CDH18: variants seen among roughly 807,000 people sequenced by gnomAD.
The protein encoded by CDH18 is cadherin 18.
CDH18 carries 31 observed loss-of-function variants against 67.9 expected under a neutral mutation model. The ratio of observed to expected loss-of-function variants is 0.46; its 90% CI spans 0.34 to 0.62. CDH18 has a LOEUF of 0.62. Among genes scored for constraint, CDH18 ranks in the 20% least tolerant of loss-of-function variants. The pLI, the probability that CDH18 is intolerant of heterozygous loss-of-function variation, is 0.01. For missense variants in CDH18, 890 were observed against 975.5 expected, an observed-to-expected ratio of 0.91 and a Z score of 1.17; for synonymous variants, 362 against 347.2, an observed-to-expected ratio of 1.04 and a Z score of -0.48.
intron 2 of CDH18, among the ~76,000 whole-genome samples, chr5:20,235,698 A>G (rs1005412717): frequency 2.0e-5 from 3 of 152,192 alleles, no homozygotes; most frequent in African/African-American, 7.2e-5. Flanking sequence ...TAATTCAGTC[A>G]GTGTGGAGAG....
intron 5 of CDH18, among the ~76,000 whole-genome samples, chr5:19,674,631 A>C (rs1759217222): frequency 6.6e-6 from 1 of 152,184 alleles, no homozygotes; most frequent in Admixed American, 6.6e-5. Flanking sequence ...AAGATGTGTC[A>C]ACTATTAATA....
chr5:20,326,911 G>A (rs1202592081), intron 1 of CDH18, among the ~76,000 whole-genome samples: 2 of 152,196 alleles, frequency 1.3e-5, no homozygotes, highest in Admixed American at 1.3e-4. Flanking sequence ...ATAATTGCAC[G>A]ATCTAGTTAA....
chr5:19,819,436 A>C (rs1483227464), intron 3 of CDH18, among the ~76,000 whole-genome samples: 2 of 152,160 alleles, frequency 1.3e-5, no homozygotes, highest in African/African-American at 4.8e-5. Context: ...GAAAACACTC[A>C]AAGTCAATGG....
At chr5:19,901,145 G>C (rs11958767) in intron 2 of CDH18, among the ~76,000 whole-genome samples, 123,230 of 151,976 alleles carry the variant, frequency 0.81, 51,445 homozygotes, top group Non-Finnish European at 0.91. Context: ...AGTGGAGACA[G>C]TTTTGGGAAT....
chr5:20,386,788 TAC>T lies in CDH18; in HGVS notation c.-579-131285_-579-131284del, dbSNP rs559979959. On this transcript the variant is annotated intron_variant, in intron 1 of 14. Coordinates refer to the CDH18 transcript ENST00000507958. ...TGATATTTTGTACATTGCTGAAAGC[TAC>T]AGTTATCCCAATAATTATTTTACCT... Among the ~76,000 whole-genome samples the T allele has an allele frequency of 4.4e-3, 677 of 152,290 alleles. 5 individuals are homozygous for T. The highest frequency in any genetic ancestry group is 5.5e-3 in the Non-Finnish European group (375 of 68,020).
chr5:20,446,453 G>T (rs562462126), intron 1 of CDH18, among the ~76,000 whole-genome samples: 14 of 152,118 alleles, frequency 9.2e-5, no homozygotes, highest in Non-Finnish European at 1.5e-4. Context: ...GCAGGAAAAG[G>T]CCTCAGAGGA....
intron 2 of CDH18, 94 bp from the exon 3 acceptor site, chr5:19,839,336 G>A (rs947682493): frequency 4.2e-6 from 1 of 238,952 alleles, no homozygotes; most frequent in Non-Finnish European, 8.4e-6. Flanking sequence ...ATGTGATACT[G>A]ATAGGCAAAG....
rs562792701 is a variant in CDH18, at chr5:20,502,962, CT to C, written c.-580+72499del. Among the ~76,000 whole-genome samples, 214 of 151,726 alleles carry C rather than the reference CT, an allele frequency of 1.4e-3. No individual in the cohort carries two copies. The South Asian group carries it at 0.016, about 11-fold the overall frequency. Reference sequence around the variant, plus strand: ...CAATTAAACTTAATATGAATAAATTCTGCTTTTATGAGAAAAAGGTCAATGC... The same window carrying C: ...CAATTAAACTTAATATGAATAAATTCGCTTTTATGAGAAAAAGGTCAATGC... On this transcript the variant is annotated intron_variant, in intron 1 of 14. Coordinates refer to the CDH18 transcript ENST00000507958.
intron 2 of CDH18, among the ~76,000 whole-genome samples, chr5:20,227,218 A>T (rs576893940): frequency 3.3e-5 from 5 of 152,084 alleles, no homozygotes; most frequent in Admixed American, 6.6e-5. Flanking sequence ...TTCTATTATA[A>T]TTGATAAAAA....
intron 1 of CDH18, among the ~76,000 whole-genome samples, chr5:20,527,583 A>C (rs929352682): frequency 6.6e-6 from 1 of 152,166 alleles, no homozygotes; most frequent in Non-Finnish European, 1.5e-5. Context: ...CTGAAAAGCC[A>C]GAAGAGATTG....
chr5:20,260,182 T>A (rs1744541293), intron 1 of CDH18, among the ~76,000 whole-genome samples: 1 of 151,424 alleles, frequency 6.6e-6, no homozygotes, highest in Non-Finnish European at 1.5e-5. Context: ...GTACTAGTTA[T>A]TGCTGTCCCC....
At chr5:20,297,639 C>T (rs1327211864) in intron 1 of CDH18, among the ~76,000 whole-genome samples, 1 of 152,092 alleles carries the variant, frequency 6.6e-6, no homozygotes, top group South Asian at 2.1e-4. Flanking sequence ...TACAATTTGT[C>T]GACAGTACTT....
chr5:20,494,769 G>A (rs1019788486), intron 1 of CDH18, among the ~76,000 whole-genome samples: 4 of 152,056 alleles, frequency 2.6e-5, no homozygotes, highest in Non-Finnish European at 4.4e-5. Flanking sequence ...ATGCAGCCTC[G>A]AAACATGAGT....
chr5:20,047,769 C>T (rs192936087), intron 2 of CDH18, among the ~76,000 whole-genome samples: 6 of 151,760 alleles, frequency 4.0e-5, no homozygotes, highest in South Asian at 2.1e-4. Flanking sequence ...CCTGTTTCCA[C>T]GTATACTTCT....
At chr5:20,316,816 CAT>C (rs1256274419) in intron 1 of CDH18, among the ~76,000 whole-genome samples, 2 of 151,968 alleles carry the variant, frequency 1.3e-5, no homozygotes, top group Admixed American at 1.3e-4. Flanking sequence ...ACAAAATACA[CAT>C]GATTATTTAC....
At chr5:20,067,113 T>G (rs553829099) in intron 2 of CDH18, among the ~76,000 whole-genome samples, 4 of 152,102 alleles carry the variant, frequency 2.6e-5, no homozygotes, top group African/African-American at 7.2e-5. Flanking sequence ...AGCCAGAGAT[T>G]ATTTAACATG....
intron 2 of CDH18, chr5:19,878,161 A>G (rs1787241744): frequency 6.6e-6 from 1 of 152,034 alleles, no homozygotes; most frequent in African/African-American, 2.4e-5. Flanking sequence ...TTTGAGGGGA[A>G]TTTCAACTTA....
chr5:19,830,734 G>A (rs1374172129), intron 3 of CDH18, among the ~76,000 whole-genome samples: 2 of 151,996 alleles, frequency 1.3e-5, no homozygotes, highest in Middle Eastern at 3.2e-3. Flanking sequence ...ACACATATAC[G>A]CATATGTTTG....
intron 1 of CDH18, among the ~76,000 whole-genome samples, chr5:20,541,706 A>G (rs1433139760): frequency 1.3e-5 from 2 of 152,202 alleles, no homozygotes; most frequent in South Asian, 2.1e-4. Context: ...TATGCAATAA[A>G]TGAATCAAAA....
Sources: allele counts gnomAD v4.1 joint callset (sites outside exome capture counted in the v4.1 genomes callset), GRCh38; gene constraint gnomAD v4.1.1; transcripts MANE v1.5; gene names NCBI Gene and HGNC (gene_info 2026-07-23, HGNC 2026-07-21).